Variants in ZFHX3 observed in about 807,000 individuals in gnomAD.
ZFHX3 encodes zinc finger homeobox 3.
A neutral mutation model predicts 279.1 loss-of-function variants in ZFHX3; 42 were observed. The ratio of observed to expected loss-of-function variants is 0.15; its 90% CI spans 0.12 to 0.19. ZFHX3 has a LOEUF of 0.19. ZFHX3 is among the 10% of genes least tolerant of loss of function. ZFHX3 has a pLI of 1.00. For missense variants in ZFHX3, 4,981 were observed against 4,754.0 expected (o/e 1.05, Z -1.40); for synonymous variants, 2,293 against 1,957.8 (o/e 1.17, Z -4.52).
At chr16:73,290,510 A>C (rs375663175) in intron 4 of ZFHX3, among the ~76,000 whole-genome samples, 40 of 152,284 alleles carry the variant, frequency 2.6e-4, no homozygotes, top group African/African-American at 8.4e-4. Context: ...AAAATGTTCC[A>C]AGCCTGAAGC....
intron 3 of ZFHX3, among the ~76,000 whole-genome samples, chr16:73,336,825 G>A (rs1350242511): frequency 1.3e-5 from 2 of 152,026 alleles, no homozygotes; most frequent in African/African-American, 4.8e-5. Context: ...ACTCTCAAGG[G>A]TCATCAACCC....
intron 4 of ZFHX3, among the ~76,000 whole-genome samples, chr16:73,304,520 C>T (rs7191915): frequency 0.016 from 2,386 of 152,188 alleles, 72 homozygotes; most frequent in African/African-American, 0.053. Context: ...TTAATCTGCC[C>T]GGTCCCATCC....
chr16:73,516,990 A>C (rs2019533674), intron 2 of ZFHX3, among the ~76,000 whole-genome samples: 1 of 152,160 alleles, frequency 6.6e-6, no homozygotes, highest in South Asian at 2.1e-4. Context: ...AAAACGCATG[A>C]TCAACACCGT....
At chr16:73,098,089 A>G (rs1286777388) in intron 7 of ZFHX3, among the ~76,000 whole-genome samples, 2 of 118,062 alleles carry the variant, frequency 1.7e-5, no homozygotes, top group Non-Finnish European at 3.6e-5. Flanking sequence ...TTTTTTTGAG[A>G]TGGAGTCTCG....
chr16:73,470,910 T>G (rs2018654437), intron 2 of ZFHX3, among the ~76,000 whole-genome samples: 1 of 152,226 alleles, frequency 6.6e-6, no homozygotes. Context: ...CTACTCTTCA[T>G]TTCTATCCTC....
intron 2 of ZFHX3, among the ~76,000 whole-genome samples, chr16:73,600,491 C>T (rs551466593): frequency 2.7e-5 from 4 of 150,028 alleles, no homozygotes; most frequent in Admixed American, 6.7e-5. Flanking sequence ...AATCTCCACT[C>T]GCTGCTAGCT....
chr16:73,746,171 T>C, intron 1 of ZFHX3, among the ~76,000 whole-genome samples: 1 of 152,122 alleles, frequency 6.6e-6, no homozygotes. Flanking sequence ...GATTATTGCA[T>C]CAATCCTGCC....
At chr16:73,055,128 T>C (rs35604765) in intron 1 of ZFHX3, among the ~76,000 whole-genome samples, 11,104 of 151,008 alleles carry the variant, frequency 0.074, 551 homozygotes, top group Non-Finnish European at 0.11. Flanking sequence ...CTTTTCTCTC[T>C]CTTTTTTTTT....
chr16:73,624,152 C>T (rs2052394117), intron 2 of ZFHX3, among the ~76,000 whole-genome samples: 1 of 152,130 alleles, frequency 6.6e-6, no homozygotes, highest in Non-Finnish European at 1.5e-5. Context: ...ATATTAGATG[C>T]TGCTTAAACA....
intron 4 of ZFHX3, among the ~76,000 whole-genome samples, chr16:73,301,916 A>G (rs2015064766): frequency 6.6e-6 from 1 of 152,126 alleles, no homozygotes; most frequent in African/African-American, 2.4e-5. Flanking sequence ...AAACCTGGAC[A>G]AGGGCTGTGG....
intron 1 of ZFHX3, among the ~76,000 whole-genome samples, chr16:73,781,095 A>T (rs13334164): frequency 0.032 from 4,872 of 152,300 alleles, 114 homozygotes; most frequent in African/African-American, 0.049. Flanking sequence ...GAGGAAATTA[A>T]TATAATTTGG....
intron 2 of ZFHX3, among the ~76,000 whole-genome samples, chr16:73,640,018 G>A (rs1444952098): frequency 1.3e-5 from 2 of 152,144 alleles, no homozygotes. Flanking sequence ...AGCATTTGGA[G>A]CTCTACGTTC....
At chr16:73,838,791 CGT>C (rs757620045) in intron 1 of ZFHX3, among the ~76,000 whole-genome samples, 310 of 144,086 alleles carry the variant, frequency 2.2e-3, no homozygotes, top group Middle Eastern at 7.1e-3. Context: ...TGTGTGTGTG[CGT>C]GCGCGCACGC....
At chr16:72,998,794 G>A (rs921896660) in intron 1 of ZFHX3, among the ~76,000 whole-genome samples, 3 of 152,164 alleles carry the variant, frequency 2.0e-5, no homozygotes, top group African/African-American at 7.2e-5. Flanking sequence ...ATTATATTTG[G>A]GTGACATGTC....
chr16:73,117,162 T>G (rs1479565280), intron 7 of ZFHX3, among the ~76,000 whole-genome samples: 1 of 152,220 alleles, frequency 6.6e-6, no homozygotes, highest in Non-Finnish European at 1.5e-5. Flanking sequence ...TACTGGCTTG[T>G]TTTTTCTTTT....
chr16:73,711,754 A>C (rs2053365321), intron 1 of ZFHX3, among the ~76,000 whole-genome samples: 1 of 152,250 alleles, frequency 6.6e-6, no homozygotes, highest in Non-Finnish European at 1.5e-5. Context: ...TTCCCCTCCA[A>C]AGATGGATTA....
intron 1 of ZFHX3, among the ~76,000 whole-genome samples, chr16:73,706,464 A>T (rs1258789288): frequency 6.6e-6 from 1 of 152,008 alleles, no homozygotes; most frequent in Non-Finnish European, 1.5e-5. Flanking sequence ...CTCAAAAAAA[A>T]AAAAAAAAAA....
At chr16:73,730,938 T>C (rs3956053) in intron 1 of ZFHX3, among the ~76,000 whole-genome samples, 124 of 152,312 alleles carry the variant, frequency 8.1e-4, no homozygotes, top group Non-Finnish European at 1.4e-3. Context: ...GAACATTCCA[T>C]GTCTTCGAGA....
At chr16:73,669,180 T>C (rs554823508) in intron 2 of ZFHX3, among the ~76,000 whole-genome samples, 1 of 152,160 alleles carries the variant, frequency 6.6e-6, no homozygotes, top group African/African-American at 2.4e-5. Flanking sequence ...CAGCCTTGCA[T>C]GTAGCTGGGA....
Sources: gnomAD v4.1 joint callset for allele counts (sites outside exome capture counted in the v4.1 genomes callset) on GRCh38, gnomAD v4.1.1 for gene constraint, MANE v1.5 for transcripts, NCBI Gene and HGNC (gene_info 2026-07-23, HGNC 2026-07-21) for gene names.